The following EIF2B5 variants were observed in gnomAD, a reference collection of about 807,000 sequenced individuals.
EIF2B5 encodes the protein translation initiation factor eIF2B subunit epsilon.
EIF2B5 carries 38 observed loss-of-function variants against 87.3 expected under a neutral mutation model. The ratio of observed to expected loss-of-function variants is 0.44; its 90% CI spans 0.34 to 0.57. EIF2B5 has a LOEUF of 0.57. Among genes scored for constraint, EIF2B5 ranks in the 20% least tolerant of loss-of-function variants. The pLI, the probability that EIF2B5 is intolerant of heterozygous loss-of-function variation, is 0.02. For missense variants in EIF2B5, 784 were observed against 909.5 expected, an observed-to-expected ratio of 0.86 and a Z score of 1.78; for synonymous variants, 313 against 339.6, an observed-to-expected ratio of 0.92 and a Z score of 0.86.
rs956000811 is a variant in EIF2B5, at chr3:184,142,876, T to C, written c.1644T>C (p.Asp548=). ...PDSRGGSPQM[D]DIKVFQNEVL... ...GCCGGGGAGGCTCCCCTCAGATGGA[T>C]GACATCAAAGGTGAGTGGCAGGGGA... The change falls in exon 11 of 16, where the codon GAT becomes GAC. Residue 548 remains aspartate, a synonymous_variant. Transcript: ENST00000648915. This position sits in a 1 kb window ranked among gnomAD's most constrained non-coding sequence, Gnocchi z 5.0. The C allele has an allele frequency of 2.5e-6, 4 of 1,613,622 alleles. No individual in the cohort carries two copies. Among genetic ancestry groups the C allele is most frequent in the Non-Finnish European group, 2.5e-6 (3 of 1,179,816 alleles).
rs1713699935 is a variant in EIF2B5 at position 184,142,825 on chromosome 3, A to C, written c.1593A>C (p.Gln531His). The C allele has an allele frequency of 6.2e-7, 1 of 1,614,128 alleles. No homozygotes were observed. Among genetic ancestry groups the C allele is most frequent in the African/African-American group, 1.3e-5 (1 of 75,052 alleles). ...MEEESESESEQSMDSEEPDSR... is the reference protein window; with the variant it reads ...MEEESESESEHSMDSEEPDSR... ...AAGAGAGTGAAAGTGAAAGTGAGCA[A>C]AGTATGGATTCTGAGGAGCCGGACA... The change falls in exon 11 of 16, where the codon CAA (glutamine) becomes CAC (histidine). Residue 531 changes from glutamine (Q) to histidine (H), a missense_variant. By Grantham distance (24) the Gln-to-His change is conservative (BLOSUM62 0). Around this residue, in one of 3 missense-constraint regions of EIF2B5, gnomAD observed 660 missense variants for 789.5 expected, o/e 0.84. Transcript: ENST00000648915. The surrounding 1 kb of genome is among the most constrained non-coding windows in gnomAD (Gnocchi z 5.0).
In EIF2B5 at chr3:184,135,500, C is replaced by A; in HGVS notation, c.115C>A (p.Pro39Thr). 2 of 1,580,090 alleles carry A rather than the reference C, an allele frequency of 1.3e-6. No homozygotes were observed. Among genetic ancestry groups the A allele is most frequent in the Non-Finnish European group, 1.7e-6 (2 of 1,164,198 alleles). The stretch of plus-strand genomic sequence containing the variant: ...GGGAGCCAGAGGGGCGGAGGAGGAA[C>A]CGCCGCCGCCCCTACAAGCAGTTCT... ...GGGARGAEEEPPPPLQAVLVA... is the reference protein window; with the variant it reads ...GGGARGAEEETPPPLQAVLVA... Residue 39 changes from proline (P) to threonine (T), a missense_variant, in exon 1 of 16, where the codon CCG (proline) becomes ACG (threonine). Transcript: ENST00000648915.
Position 184,142,713 on chromosome 3 carries a change from G to A in EIF2B5, c.1547-66G>A, listed in dbSNP as rs1713693482. 1 of 1,554,852 alleles carries A rather than the reference G, an allele frequency of 6.4e-7. No individual in the cohort carries two copies. Among genetic ancestry groups the A allele is most frequent in the African/African-American group, 1.4e-5 (1 of 73,642 alleles). On this transcript the variant is annotated intron_variant, in intron 10 of 15. Coordinates refer to ENST00000648915, the MANE Select transcript of EIF2B5 (RefSeq NM_003907.3). This position sits in a 1 kb window ranked among gnomAD's most constrained non-coding sequence, Gnocchi z 5.0. ...TTCACTCCTTTATTCAGGCAGACAG[G>A]GCAGGTATATTGCTCTCTGTCAATG...
In EIF2B5 at chr3:184,143,141, AAG is replaced by A; in HGVS notation, c.1745_1745+1del. 1 of 1,612,698 alleles carries A rather than the reference AAG, an allele frequency of 6.2e-7. No individual in the cohort carries two copies. Among genetic ancestry groups the A allele is most frequent in the Non-Finnish European group, 8.5e-7 (1 of 1,179,284 alleles). Reference sequence around the variant, plus strand: ...TCTCGTCCTGGAAATCAACTCTCTCAAGTAAGAGCAGCCCCTCCCTGTTCTCC... The same window carrying A: ...TCTCGTCCTGGAAATCAACTCTCTCATAAGAGCAGCCCCTCCCTGTTCTCC... On this transcript the variant is annotated splice_donor_variant and coding_sequence_variant, in exon 12 of 16. Coordinates refer to ENST00000648915, the MANE Select transcript of EIF2B5 (RefSeq NM_003907.3). LOFTEE classifies it high-confidence loss of function.
chr3:184,144,249 C>A (rs1356578355), intron 14 of EIF2B5, 25 bp downstream of exon 14: 1 of 1,613,450 alleles, frequency 6.2e-7, no homozygotes, highest in East Asian at 2.2e-5. Flanking sequence ...AAGCCCCATT[C>A]TTCTGCACTT....
chr3:184,145,102 A>G lies in EIF2B5; in HGVS notation c.*159A>G. On this transcript the variant is annotated 3_prime_UTR_variant, in exon 16 of 16. Transcript: ENST00000648915. This position sits in a 1 kb window ranked among gnomAD's most constrained non-coding sequence, Gnocchi z 4.0. The stretch of plus-strand genomic sequence containing the variant: ...TACAGTATTCTTTCCCCTGCTAGCA[A>G]CCATGTGCCTCCCATCCTGACTGTG... 1 of 718,002 alleles carries G rather than the reference A, an allele frequency of 1.4e-6. No individual in the cohort carries two copies. The highest frequency in any genetic ancestry group is 1.7e-5 in the African/African-American group (1 of 57,642). The allele number at this position is 718,002 out of a possible 1,614,324, so 44.5% of individuals were successfully genotyped here.
chr3:184,145,119 C>A lies in EIF2B5; in HGVS notation c.*176C>A. The A allele has an allele frequency of 1.5e-6, 1 of 683,632 alleles. No individual in the cohort carries two copies. Among genetic ancestry groups the A allele is most frequent in the Non-Finnish European group, 2.6e-6 (1 of 383,308 alleles). The allele number at this position is 683,632 out of a possible 1,614,324, so 42.3% of individuals were successfully genotyped here. On this transcript the variant is annotated 3_prime_UTR_variant, in exon 16 of 16. Coordinates refer to ENST00000648915, the MANE Select transcript of EIF2B5 (RefSeq NM_003907.3). The surrounding 1 kb of genome is among the most constrained non-coding windows in gnomAD (Gnocchi z 4.0). ...TGCTAGCAACCATGTGCCTCCCATC[C>A]TGACTGTGGAGTTGGGATGTGGAAG...
intron 3 of EIF2B5, 40 bp from the exon 4 acceptor site, chr3:184,137,858 G>A: frequency 6.2e-7 from 1 of 1,614,164 alleles, no homozygotes; most frequent in Non-Finnish European, 8.5e-7. Flanking sequence ...AGAGCCCTGA[G>A]ACTGCTTTTT....
chr3:184,137,917 A>G lies in EIF2B5; in HGVS notation c.526A>G (p.Lys176Glu). ...TTATAGGTTGAGACGGAAGCTAGAAAAAAATGTTTCTGTGATGACGATGAT... is the reference window on the plus strand; with the variant it reads ...TTATAGGTTGAGACGGAAGCTAGAAGAAAATGTTTCTGTGATGACGATGAT... ...EEHRLRRKLE[K>E]NVSVMTMIFK... is the part of the protein sequence containing the mutation. Residue 176 changes from lysine to glutamate, a missense_variant, in exon 4 of 16, where the codon AAA (lysine) becomes GAA (glutamate). This residue lies in a region of EIF2B5 where 660 missense variants were observed against 789.5 expected (regional missense o/e 0.84). Coordinates refer to ENST00000648915, the MANE Select transcript of EIF2B5 (RefSeq NM_003907.3). 1 of 1,614,210 alleles carries G rather than the reference A, an allele frequency of 6.2e-7. No homozygotes were observed. Among genetic ancestry groups the G allele is most frequent in the Non-Finnish European group, 8.5e-7 (1 of 1,180,040 alleles).
At position 184,143,291 on chromosome 3, in the gene EIF2B5, A is replaced by G. The variant is rs972787421; in HGVS notation, c.1745+149A>G. The G allele has an allele frequency of 7.4e-6, 11 of 1,476,830 alleles. No individual in the cohort carries two copies. The African/African-American group carries it at 1.4e-4, about 19-fold the overall frequency. The allele number at this position is 1,476,830 out of a possible 1,614,324, so 91.5% of individuals were successfully genotyped here. On this transcript the variant is annotated intron_variant, in intron 12 of 15. Transcript: ENST00000648915. ...ATTTGGAGCAAGGAGAGCATTATTAAGTTCTAGCCTCAGCATAGACTTTCT... is the reference window on the plus strand; with the variant it reads ...ATTTGGAGCAAGGAGAGCATTATTAGGTTCTAGCCTCAGCATAGACTTTCT...
chr3:184,136,345 C>G (rs1369016520), intron 1 of EIF2B5, among the ~76,000 whole-genome samples: 1 of 152,214 alleles, frequency 6.6e-6, no homozygotes, highest in African/African-American at 2.4e-5. Context: ...TTATCCTTTG[C>G]CAGCAGTGAA....
chr3:184,140,833 G>A (rs1713601641), intron 7 of EIF2B5, 103 bp downstream of exon 7: 1 of 1,344,978 alleles, frequency 7.4e-7, no homozygotes. Context: ...GACAGTCCCT[G>A]GGAATAAGGA....
chr3:184,144,154 A>G lies in EIF2B5; in HGVS notation c.1925A>G (p.His642Arg), dbSNP rs1713760409. 6.2e-7 allele frequency: 1 copy of G among 1,614,252 alleles called. No homozygotes were observed. Among genetic ancestry groups the G allele is most frequent in the African/African-American group, 1.3e-5 (1 of 75,068 alleles). The change falls in exon 14 of 16, where the codon CAT becomes CGT. Residue 642 changes from histidine (H) to arginine (R), a missense_variant. Around this residue, in one of 3 missense-constraint regions of EIF2B5, gnomAD observed 660 missense variants for 789.5 expected, o/e 0.84. Coordinates refer to ENST00000648915, the MANE Select transcript of EIF2B5 (RefSeq NM_003907.3). ...AACTACATAAAGCGCGCAGCCGACC[A>G]TTTGGAAGCGTTAGCAGCCATTGAG... ...FRNYIKRAAD[H>R]LEALAAIEDF...
Position 184,140,333 on chromosome 3 carries a change from A to G in EIF2B5, c.844-85A>G, listed in dbSNP as rs947296103. On this transcript the variant is annotated intron_variant, in intron 6 of 15. Coordinates refer to ENST00000648915, the MANE Select transcript of EIF2B5 (RefSeq NM_003907.3). ...TTTGTGGCAGTGAGAGGCAGAGGGGAACTTAAAAGGATTAGAAAAGTTGTA... is the reference window on the plus strand; with the variant it reads ...TTTGTGGCAGTGAGAGGCAGAGGGGGACTTAAAAGGATTAGAAAAGTTGTA... The G allele has an allele frequency of 1.6e-5, 24 of 1,501,194 alleles. No individual in the cohort carries two copies. In the African/African-American group the frequency reaches 3.2e-4, roughly 20 times the overall value. The allele number at this position is 1,501,194 out of a possible 1,614,324, so 93.0% of individuals were successfully genotyped here. A position where few individuals can be genotyped will look rare whatever the true frequency, so the allele number is the denominator to read the frequency against.
At position 184,137,660 on chromosome 3, in the gene EIF2B5, C is replaced by G. The variant is rs1030566286; in HGVS notation, c.361C>G (p.Arg121Gly). The change falls in exon 3 of 16, where the codon CGA becomes GGA. Residue 121 changes from arginine to glycine, a missense_variant. Arg to Gly is a moderately radical substitution (Grantham distance 125). Around this residue, in one of 3 missense-constraint regions of EIF2B5, gnomAD observed 660 missense variants for 789.5 expected, o/e 0.84. Coordinates refer to ENST00000648915, the MANE Select transcript of EIF2B5 (RefSeq NM_003907.3). ...CCGCCCTACATCTCTCAATGTGGTT[C>G]GAATAATTACATCAGAGCTCTATCG... ...WCRPTSLNVV[R>G]IITSELYRSL... 6.2e-7 allele frequency: 1 copy of G among 1,614,150 alleles called. No individual in the cohort carries two copies. Among genetic ancestry groups the G allele is most frequent in the Non-Finnish European group, 8.5e-7 (1 of 1,180,036 alleles).
Position 184,143,374 on chromosome 3 carries a change from C to G in EIF2B5, c.1746-68C>G, listed in dbSNP as rs1486583757. 3.3e-5 allele frequency: 53 copies of G among 1,612,928 alleles called. No individual in the cohort carries two copies. In the Admixed American group the frequency reaches 8.5e-4, roughly 26 times the overall value. ...ATCCAGATTCCTCTCCAATGTCTAT[C>G]AAAGTCATAGTTCTAAGCCTGCTGA... On this transcript the variant is annotated intron_variant, in intron 12 of 15. Coordinates refer to ENST00000648915, the MANE Select transcript of EIF2B5 (RefSeq NM_003907.3).
intron 2 of EIF2B5, chr3:184,137,338 G>A: frequency 2.0e-6 from 1 of 509,504 alleles, no homozygotes; most frequent in East Asian, 3.7e-5. Context: ...TGTACCCTAG[G>A]CTTCAGCAGG....
Position 184,135,419 on chromosome 3 carries a change from G to A in EIF2B5, c.34G>A (p.Val12Met), listed in dbSNP as rs967866666. The A allele has an allele frequency of 1.3e-6, 2 of 1,582,328 alleles. No individual in the cohort carries two copies. Among genetic ancestry groups the A allele is most frequent in the African/African-American group, 1.3e-5 (1 of 74,746 alleles). ...CCCTGTAGTGGCGCCGCCTGGTGTG[G>A]TGGTTAGTCGGGCTAACAAGCGCAG... Reference protein sequence around the residue: ...AAPVVAPPGVVVSRANKRSGA... With the variant: ...AAPVVAPPGVMVSRANKRSGA... The change falls in exon 1 of 16, where the codon GTG becomes ATG. Residue 12 changes from valine (V) to methionine (M), a missense_variant. Around this residue, in one of 3 missense-constraint regions of EIF2B5, gnomAD observed 117 missense variants for 101.0 expected, o/e 1.16. Transcript: ENST00000648915.
In EIF2B5 at chr3:184,140,784, G is replaced by A. The variant is rs368926515; in HGVS notation, c.1156+54G>A. 1.4e-4 allele frequency: 216 copies of A among 1,595,826 alleles called. No individual in the cohort carries two copies. In the Middle Eastern group the frequency reaches 3.6e-3, roughly 27 times the overall value. ...TATCCTAGGAACAGGAACCTGGGGG[G>A]GCCACGTCTCCAGAAACACAAGGGA... On this transcript the variant is annotated intron_variant, in intron 7 of 15. Transcript: ENST00000648915.
Sources: allele counts gnomAD v4.1 joint callset (sites outside exome capture counted in the v4.1 genomes callset), GRCh38; gene constraint gnomAD v4.1.1; regional missense constraint gnomAD v4.1.1; non-coding constraint Gnocchi (gnomAD v3.1); transcripts MANE v1.5; gene names NCBI Gene and HGNC (gene_info 2026-07-23, HGNC 2026-07-21).